Variants in SH2D7 observed in about 807,000 individuals in gnomAD.
The protein encoded by SH2D7 is SH2 domain-containing protein 7.
SH2D7 carries 32 observed loss-of-function variants against 40.8 expected under a neutral mutation model. The ratio of observed to expected loss-of-function variants is 0.78; its 90% CI spans 0.59 to 1.05. The LOEUF is 1.05. SH2D7 is among the 50% of genes least tolerant of loss of function. SH2D7 has a pLI of 0.00. For missense variants in SH2D7, 559 were observed against 566.6 expected, an observed-to-expected ratio of 0.99 and a Z score of 0.14; for synonymous variants, 195 against 221.5, an observed-to-expected ratio of 0.88 and a Z score of 1.06.
intron 3 of SH2D7, 127 bp from the exon 4 acceptor site, chr15:78,098,257 C>A: frequency 7.2e-7 from 1 of 1,393,334 alleles, no homozygotes; most frequent in Non-Finnish European, 9.8e-7. Flanking sequence ...GAGACTGTGG[C>A]AATGTCTTAC....
At chr15:78,098,293 G>C in intron 3 of SH2D7, 91 bp from the exon 4 acceptor site, 1 of 1,495,398 alleles carries the variant, frequency 6.7e-7, no homozygotes, top group Non-Finnish European at 9.2e-7. Context: ...TGGTGGGAAT[G>C]TTGCAGTCTC....
In SH2D7 at chr15:78,097,932, C is replaced by A. The variant is rs891199939; in HGVS notation, c.270C>A (p.Gly90=). 2 of 1,613,366 alleles carry A rather than the reference C, an allele frequency of 1.2e-6. No homozygotes were observed. The highest frequency in any genetic ancestry group is 1.3e-5 in the African/African-American group (1 of 75,038). The part of the protein sequence containing the change: ...RATGYILSYR[G]SDRCRHFVIN... The stretch of plus-strand genomic sequence containing the variant: ...ACCACAAGCACTTGTGTTGCAGGGG[C>A]AGTGATCGCTGCCGACATTTTGTCA... Residue 90 remains glycine (G), a synonymous_variant, in exon 3 of 6, where the codon GGC becomes GGA. Coordinates refer to ENST00000328828, the MANE Select transcript of SH2D7 (RefSeq NM_001101404.2).
chr15:78,094,217 C>A lies in SH2D7; in HGVS notation c.266+16C>A. On this transcript the variant is annotated intron_variant, in intron 2 of 5. Coordinates refer to ENST00000328828, the MANE Select transcript of SH2D7 (RefSeq NM_001101404.2). ...TGTCCTACAGGTAAGAGGGGAAGCC[C>A]TCTGGGCAAGCAAGCTCATCCTACC... 2 of 1,599,548 alleles carry A rather than the reference C, an allele frequency of 1.3e-6. No individual in the cohort carries two copies. Among genetic ancestry groups the A allele is most frequent in the East Asian group, 2.3e-5 (1 of 44,328 alleles).
At chr15:78,095,279 T>C (rs1225509141) in intron 2 of SH2D7, among the ~76,000 whole-genome samples, 2 of 152,262 alleles carry the variant, frequency 1.3e-5, no homozygotes, top group African/African-American at 4.8e-5. Flanking sequence ...TTATTCTGTG[T>C]GCCAGACACT....
upstream of SH2D7, among the ~76,000 whole-genome samples, chr15:78,091,706 G>A (rs1250265060): frequency 2.6e-5 from 4 of 152,178 alleles, no homozygotes; most frequent in Non-Finnish European, 5.9e-5. Context: ...CTTTCCAGGG[G>A]ACCCATCTAC....
chr15:78,092,505 A>G, upstream of SH2D7: 1 of 1,439,248 alleles, frequency 6.9e-7, no homozygotes, highest in South Asian at 1.4e-5. Flanking sequence ...GCACGGGCTC[A>G]GGCAAATGAG....
chr15:78,098,200 C>T, intron 3 of SH2D7, 106 bp downstream of exon 3: 1 of 1,435,392 alleles, frequency 7.0e-7, no homozygotes, highest in Non-Finnish European at 9.3e-7. Flanking sequence ...TATTTACTAT[C>T]ACCCAGGGGC....
At chr15:78,098,223 G>T in intron 3 of SH2D7, 129 bp downstream of exon 3, 1 of 1,406,870 alleles carries the variant, frequency 7.1e-7, no homozygotes. Context: ...TTGGTGTGGG[G>T]TCATGATCCC....
At chr15:78,092,862 T>C in intron 1 of SH2D7, 102 bp downstream of exon 1, 2 of 1,376,970 alleles carry the variant, frequency 1.5e-6, no homozygotes, top group South Asian at 3.1e-5. Context: ...ATCCTTTCCC[T>C]GGGCTAGGCA....
intron 3 of SH2D7, 59 bp from the exon 4 acceptor site, chr15:78,098,325 C>A (rs2073987441): frequency 5.7e-6 from 9 of 1,586,080 alleles, no homozygotes; most frequent in Admixed American, 3.4e-5. Context: ...CTCAGGCAGG[C>A]AGCTGGAGAC....
intron 2 of SH2D7, among the ~76,000 whole-genome samples, chr15:78,095,069 C>T (rs1205952062): frequency 6.6e-6 from 1 of 152,186 alleles, no homozygotes; most frequent in African/African-American, 2.4e-5. Flanking sequence ...CAGACTGCCC[C>T]AGTTCAAACC....
chr15:78,093,896 A>G (rs2141869047), intron 1 of SH2D7, among the ~76,000 whole-genome samples: 1 of 152,328 alleles, frequency 6.6e-6, no homozygotes, highest in Middle Eastern at 3.4e-3. Flanking sequence ...CCAGCCCCAG[A>G]CAGTCTTGAA....
chr15:78,098,223 G>C, intron 3 of SH2D7, 129 bp downstream of exon 3: 1 of 1,406,870 alleles, frequency 7.1e-7, no homozygotes, highest in Non-Finnish European at 9.6e-7. Flanking sequence ...TTGGTGTGGG[G>C]TCATGATCCC....
rs1169704724 is a variant in SH2D7, at chr15:78,094,178, C to T, written c.243C>T (p.Ala81=). 3 of 1,610,180 alleles carry T rather than the reference C, an allele frequency of 1.9e-6. No individual in the cohort carries two copies. Among genetic ancestry groups the T allele is most frequent in the Non-Finnish European group, 2.5e-6 (3 of 1,178,372 alleles). ...GSFLIRLSDR[A]TGYILSYRGS... Reference sequence around the variant, plus strand: ...TCCTTATCCGCCTCAGTGACCGAGCCACTGGCTACATCTTGTCCTACAGGT... The same window carrying T: ...TCCTTATCCGCCTCAGTGACCGAGCTACTGGCTACATCTTGTCCTACAGGT... Residue 81 remains alanine, a synonymous_variant, in exon 2 of 6, where the codon GCC becomes GCT. Transcript: ENST00000328828.
Position 78,101,232 on chromosome 15 carries a change from A to G in SH2D7, c.979A>G (p.Thr327Ala). ...TGATGCCATGGGATCCCTGGGGGCTACCTGGAGGCAGGAGTTTCCAAAGCT... is the reference window on the plus strand; with the variant it reads ...TGATGCCATGGGATCCCTGGGGGCTGCCTGGAGGCAGGAGTTTCCAAAGCT... ...CSDAMGSLGA[T>A]WRQEFPKLSQ... The change falls in exon 5 of 6, where the codon ACC (threonine) becomes GCC (alanine). Residue 327 changes from threonine to alanine, a missense_variant. Physicochemically the swap from Thr to Ala is moderately conservative, Grantham distance 58. Coordinates refer to ENST00000328828, the MANE Select transcript of SH2D7 (RefSeq NM_001101404.2). The G allele has an allele frequency of 3.1e-6, 5 of 1,603,438 alleles. No individual in the cohort carries two copies. The highest frequency in any genetic ancestry group is 3.4e-6 in the Non-Finnish European group (4 of 1,175,846).
chr15:78,093,426 A>G (rs2073951342), intron 1 of SH2D7, among the ~76,000 whole-genome samples: 1 of 152,194 alleles, frequency 6.6e-6, no homozygotes. Flanking sequence ...TTCATTTAGC[A>G]CCTGGTCCTG....
intron 1 of SH2D7, among the ~76,000 whole-genome samples, chr15:78,093,375 T>C (rs964428403): frequency 6.6e-6 from 1 of 152,222 alleles, no homozygotes; most frequent in Admixed American, 6.5e-5. Context: ...GCTGTCACTG[T>C]CTGGAAACTC....
chr15:78,093,310 C>A (rs1195343819), intron 1 of SH2D7, among the ~76,000 whole-genome samples: 1 of 152,238 alleles, frequency 6.6e-6, no homozygotes, highest in East Asian at 1.9e-4. Flanking sequence ...TTTATGGTCA[C>A]TGACTCGTGC....
chr15:78,096,467 G>T (rs1353567904), intron 2 of SH2D7, among the ~76,000 whole-genome samples: 1 of 152,036 alleles, frequency 6.6e-6, no homozygotes, highest in Non-Finnish European at 1.5e-5. Flanking sequence ...CAGAATATGT[G>T]GAACAACTGG....
Sources: gnomAD v4.1 joint callset for allele counts (sites outside exome capture counted in the v4.1 genomes callset) on GRCh38, gnomAD v4.1.1 for gene constraint, MANE v1.5 for transcripts, NCBI Gene and HGNC (gene_info 2026-07-23, HGNC 2026-07-21) for gene names.